ZCCHC4: variants seen among roughly 807,000 people sequenced by gnomAD.
ZCCHC4 encodes zinc finger CCHC-type containing 4.
ZCCHC4 carries 54 observed loss-of-function variants against 67.7 expected under a neutral mutation model. That is an observed-to-expected ratio of 0.80 (90% CI 0.64 to 1.00). The LOEUF is 1.00. Among genes scored for constraint, ZCCHC4 ranks in the 50% least tolerant of loss-of-function variants. The pLI, the probability that ZCCHC4 is intolerant of heterozygous loss-of-function variation, is 0.00. For synonymous variants in ZCCHC4, 198 were observed against 213.5 expected (o/e 0.93, Z 0.63); for missense variants, 609 against 617.0 (o/e 0.99, Z 0.14).
In ZCCHC4 at chr4:25,344,806, C is replaced by CT. The variant is rs35047070; in HGVS notation, c.687-728dup. ...TAGACAAAAAAAAAAATTTGTATTACTTTTTTTTTTTTTTGAGACAAGGTC... is the reference window on the plus strand; with the variant it reads ...TAGACAAAAAAAAAAATTTGTATTACTTTTTTTTTTTTTTTGAGACAAGGTC... On this transcript the variant is annotated intron_variant, in intron 5 of 12. Transcript: ENST00000302874. Among the ~76,000 whole-genome samples the CT allele has an allele frequency of 6.4e-3, 904 of 141,568 alleles. 4 individuals carry two copies. The highest frequency in any genetic ancestry group is 0.014 in the African/African-American group (531 of 39,084). 92.9% of individuals were successfully genotyped at this position (141,568 alleles called of 152,430 possible). A position where few individuals can be genotyped will look rare whatever the true frequency, so the allele number is the denominator to read the frequency against.
At chr4:25,339,254 T>G (rs1460032993) in intron 5 of ZCCHC4, among the ~76,000 whole-genome samples, 3 of 152,214 alleles carry the variant, frequency 2.0e-5, no homozygotes, top group African/African-American at 4.8e-5. Flanking sequence ...TACTGGTGAT[T>G]AGGGCTTCAA....
chr4:25,313,164 G>T (rs564005411), intron 1 of ZCCHC4, among the ~76,000 whole-genome samples: 1 of 152,176 alleles, frequency 6.6e-6, no homozygotes, highest in African/African-American at 2.4e-5. Context: ...CATCTCTTTT[G>T]GGGGGAAGGG....
chr4:25,336,696 A>G (rs1719479711), intron 5 of ZCCHC4, among the ~76,000 whole-genome samples: 1 of 152,226 alleles, frequency 6.6e-6, no homozygotes, highest in Non-Finnish European at 1.5e-5. Flanking sequence ...CATGTTGGCC[A>G]GGCTGATCTT....
chr4:25,317,362 A>G (rs4697567), intron 3 of ZCCHC4, among the ~76,000 whole-genome samples: 20,374 of 152,116 alleles, frequency 0.13, 1,626 homozygotes, highest in African/African-American at 0.22. Flanking sequence ...AGAGATGTCT[A>G]TGTATTCACT....
intron 3 of ZCCHC4, among the ~76,000 whole-genome samples, chr4:25,318,044 G>A (rs576533822): frequency 8.7e-4 from 132 of 152,276 alleles, no homozygotes; most frequent in Middle Eastern, 3.4e-3. Context: ...AGAAAATAGA[G>A]TATTGAAGAC....
chr4:25,366,385 G>C lies in ZCCHC4; in HGVS notation c.1406+1219G>C, dbSNP rs538302451. The C allele has an allele frequency of 6.7e-4, 375 of 559,854 alleles. 3 individuals are homozygous for C. The highest frequency in any genetic ancestry group is 5.6e-4 in the Non-Finnish European group (248 of 445,634). 34.7% of individuals were successfully genotyped at this position (559,854 alleles called of 1,614,324 possible). On this transcript the variant is annotated intron_variant, in intron 12 of 12. Transcript: ENST00000302874. ...GGCTGGAGTGCAGTGGCCTGATCTC[G>C]GCTCACTGTAAGCTCCGCCTCCCGG...
chr4:25,350,573 A>G (rs1720257217), intron 7 of ZCCHC4, among the ~76,000 whole-genome samples: 1 of 152,158 alleles, frequency 6.6e-6, no homozygotes, highest in African/African-American at 2.4e-5. Flanking sequence ...AAAGTATTTT[A>G]TATAATTATC....
rs375193701 is a variant in ZCCHC4 at position 25,349,556 on chromosome 4, C to T, written c.824C>T (p.Thr275Met). The T allele has an allele frequency of 4.6e-5, 74 of 1,613,890 alleles. No individual in the cohort carries two copies. The African/African-American group carries it at 5.7e-4, about 13-fold the overall frequency. The change falls in exon 7 of 13, where the codon ACG (threonine) becomes ATG (methionine). Residue 275 changes from threonine to methionine, a missense_variant. Physicochemically the swap from Thr to Met is moderately conservative, Grantham distance 81 (BLOSUM62 -1). Transcript: ENST00000302874. Reference sequence around the variant, plus strand: ...AAAGGCGAAGGAATCATTATGGTGACGGATCCTCCGTTTGGTGGCTTGGTT... The same window carrying T: ...AAAGGCGAAGGAATCATTATGGTGATGGATCCTCCGTTTGGTGGCTTGGTT... ...EDKGEGIIMVTDPPFGGLVEP... is the reference protein window; with the variant it reads ...EDKGEGIIMVMDPPFGGLVEP...
At chr4:25,320,140 A>T (rs1207646507) in intron 3 of ZCCHC4, among the ~76,000 whole-genome samples, 3 of 151,082 alleles carry the variant, frequency 2.0e-5, no homozygotes, top group Admixed American at 6.6e-5. Flanking sequence ...TATGTTTCAT[A>T]TGTGTTCAGT....
chr4:25,350,976 G>A (rs1200709788), intron 7 of ZCCHC4, among the ~76,000 whole-genome samples: 1 of 152,148 alleles, frequency 6.6e-6, no homozygotes, highest in Non-Finnish European at 1.5e-5. Context: ...CTTAGTGTAA[G>A]CACTATGATT....
chr4:25,314,020 T>TTTC, intron 1 of ZCCHC4, 26 bp from the exon 2 acceptor site: 1 of 1,428,692 alleles, frequency 7.0e-7, no homozygotes, highest in Non-Finnish European at 9.6e-7. Context: ...TGACACTTTT[T>TTTC]TTTTTTTTTT....
intron 7 of ZCCHC4, among the ~76,000 whole-genome samples, chr4:25,351,206 G>A (rs978333306): frequency 6.6e-6 from 1 of 152,178 alleles, no homozygotes; most frequent in Non-Finnish European, 1.5e-5. Flanking sequence ...GCAGAGCTGG[G>A]ATTCACACCG....
chr4:25,341,217 A>G (rs886450300), intron 5 of ZCCHC4, among the ~76,000 whole-genome samples: 1 of 152,232 alleles, frequency 6.6e-6, no homozygotes, highest in Admixed American at 6.5e-5. Flanking sequence ...GCATCCAGTC[A>G]TCGTAGGCTA....
At chr4:25,357,031 AG>A (rs1032947795) in intron 8 of ZCCHC4, among the ~76,000 whole-genome samples, 9 of 152,232 alleles carry the variant, frequency 5.9e-5, no homozygotes, top group African/African-American at 1.9e-4. Context: ...AGCCTTAGAA[AG>A]CAATGCAATT....
intron 3 of ZCCHC4, among the ~76,000 whole-genome samples, chr4:25,318,933 G>T (rs1718424210): frequency 6.6e-6 from 1 of 151,996 alleles, no homozygotes; most frequent in African/African-American, 2.4e-5. Flanking sequence ...CCAACCATCT[G>T]TCCACCTAGT....
At chr4:25,368,759 C>T (rs1465000275) in intron 12 of ZCCHC4, among the ~76,000 whole-genome samples, 1 of 152,168 alleles carries the variant, frequency 6.6e-6, no homozygotes, top group African/African-American at 2.4e-5. Flanking sequence ...TTGCATTTAC[C>T]TCTGTGGTGT....
Position 25,361,740 on chromosome 4 carries a change from G to C in ZCCHC4, c.1012-119G>C, listed in dbSNP as rs969632708. 8.4e-6 allele frequency: 9 copies of C among 1,065,988 alleles called. No homozygotes were observed. In the South Asian group the frequency reaches 1.0e-4, roughly 12 times the overall value. The allele number at this position is 1,065,988 out of a possible 1,614,324, so 66.0% of individuals were successfully genotyped here. ...CAGCTTGGACTGGAACCTGACACTT[G>C]GCATGACAAATACTTTAACTCATAT... On this transcript the variant is annotated intron_variant, in intron 8 of 12. Transcript: ENST00000302874.
intron 3 of ZCCHC4, among the ~76,000 whole-genome samples, chr4:25,330,316 G>A (rs1460677230): frequency 6.6e-6 from 1 of 151,976 alleles, no homozygotes; most frequent in African/African-American, 2.4e-5. Context: ...CTAATCATGA[G>A]TCATGTTGTT....
At chr4:25,316,639 T>C (rs1430832132) in intron 3 of ZCCHC4, among the ~76,000 whole-genome samples, 2 of 152,200 alleles carry the variant, frequency 1.3e-5, no homozygotes, top group Admixed American at 1.3e-4. Context: ...AATGTCTGAG[T>C]CCTTTATCTA....
Sources: gnomAD v4.1 joint callset for allele counts (sites outside exome capture counted in the v4.1 genomes callset) on GRCh38, gnomAD v4.1.1 for gene constraint, MANE v1.5 for transcripts, NCBI Gene and HGNC (gene_info 2026-07-23, HGNC 2026-07-21) for gene names.